The following MCM8 variants were observed in gnomAD, a reference collection of about 807,000 sequenced individuals.
The protein encoded by MCM8 is minichromosome maintenance 8 homologous recombination repair factor, also known as DNA helicase MCM8.
MCM8 carries 85 observed loss-of-function variants against 98.9 expected under a neutral mutation model. That is an observed-to-expected ratio of 0.86 (90% CI 0.72 to 1.03). The LOEUF (loss-of-function observed/expected upper bound fraction) is 1.03, where lower values mean the gene tolerates loss of function less well. Ranked by LOEUF, MCM8 falls within the 50% of genes least tolerant of loss-of-function variation. The pLI is 0.00. For synonymous variants in MCM8, 352 were observed against 338.6 expected (o/e 1.04, Z -0.44); for missense variants, 951 against 997.8 (o/e 0.95, Z 0.63).
At chr20:5,962,015 A>G (rs1352270931) in intron 7 of MCM8, among the ~76,000 whole-genome samples, 1 of 152,202 alleles carries the variant, frequency 6.6e-6, no homozygotes, top group Non-Finnish European at 1.5e-5. Context: ...GAACTACTCA[A>G]CTGGCTAGTT....
chr20:5,961,264 C>A (rs1218775120), intron 7 of MCM8, among the ~76,000 whole-genome samples: 1 of 152,086 alleles, frequency 6.6e-6, no homozygotes, highest in African/African-American at 2.4e-5. Context: ...TTTATCCTGA[C>A]ACCATTTATT....
At position 5,984,895 on chromosome 20, in the gene MCM8, G is replaced by C. The variant is rs1312321886; in HGVS notation, c.1848G>C (p.Lys616Asn). 1 of 1,613,994 alleles carries C rather than the reference G, an allele frequency of 6.2e-7. No individual in the cohort carries two copies. The highest frequency in any genetic ancestry group is 8.5e-7 in the Non-Finnish European group (1 of 1,180,006). ...ATGTGATTGCAATAAGAGCTGGAAA[G>C]CAGAGAACCATTAGCAGTGCCACAG... is the stretch of plus-strand genomic sequence containing the variant. ...SEHVIAIRAG[K>N]QRTISSATVA... The change falls in exon 15 of 19, where the codon AAG (lysine) becomes AAC (asparagine). Residue 616 changes from lysine to asparagine, a missense_variant. Lys to Asn is a moderately conservative substitution (Grantham distance 94, BLOSUM62 0). Transcript: ENST00000610722.
chr20:5,958,564 T>G lies in MCM8; in HGVS notation c.627T>G (p.Asn209Lys), dbSNP rs769426184. 1 of 1,614,154 alleles carries G rather than the reference T, an allele frequency of 6.2e-7. No individual in the cohort carries two copies. The highest frequency in any genetic ancestry group is 1.1e-5 in the South Asian group (1 of 91,082). Reference sequence around the variant, plus strand: ...ATGAGCCTTTGACACAGCTCAAGAATGTCAGAGCAAATTACTATGGAAAAT... The same window carrying G: ...ATGAGCCTTTGACACAGCTCAAGAAGGTCAGAGCAAATTACTATGGAAAAT... ...YNYEPLTQLK[N>K]VRANYYGKYI... The change falls in exon 7 of 19, where the codon AAT (asparagine) becomes AAG (lysine). Residue 209 changes from asparagine (N) to lysine (K), a missense_variant. By Grantham distance (94) the Asn-to-Lys change is moderately conservative. Coordinates refer to ENST00000610722, the MANE Select transcript of MCM8 (RefSeq NM_032485.6).
At chr20:5,953,093 A>T (rs1029949473) in intron 3 of MCM8, among the ~76,000 whole-genome samples, 1 of 152,242 alleles carries the variant, frequency 6.6e-6, no homozygotes, top group African/African-American at 2.4e-5. Flanking sequence ...CACTATCGTT[A>T]TCTTCTGCAG....
intron 11 of MCM8, among the ~76,000 whole-genome samples, chr20:5,972,408 A>G (rs964945719): frequency 3.9e-5 from 6 of 151,906 alleles, no homozygotes; most frequent in Non-Finnish European, 5.9e-5. Context: ...GGGTTTTGCC[A>G]TGTTGCCCAC....
rs1332725980 is a variant in MCM8, at chr20:5,963,355, A to G, written c.871A>G (p.Ile291Val). The G allele has an allele frequency of 3.7e-6, 6 of 1,613,476 alleles. No homozygotes were observed. The highest frequency in any genetic ancestry group is 1.6e-4 in the Middle Eastern group (1 of 6,062). The change falls in exon 8 of 19, where the codon ATC becomes GTC. Residue 291 changes from isoleucine (I) to valine (V), a missense_variant. By Grantham distance (29) the Ile-to-Val change is conservative. Coordinates refer to ENST00000610722, the MANE Select transcript of MCM8 (RefSeq NM_032485.6). ...CACAGTTACGATGGACTGGCAGTCA[A>G]TCAAGTAAGCGATCAGACTGTTACA... ...PLTVTMDWQS[I>V]KIQELMSDDQ...
intron 13 of MCM8, among the ~76,000 whole-genome samples, chr20:5,978,996 C>T (rs1720778968): frequency 6.6e-6 from 1 of 152,190 alleles, no homozygotes; most frequent in Admixed American, 6.5e-5. Flanking sequence ...GCTTTGTCAC[C>T]TAAGTTTCTC....
In MCM8 at chr20:5,994,459, G is replaced by A. The variant is rs567007907; in HGVS notation, c.*68G>A. 44 of 805,184 alleles carry A rather than the reference G, an allele frequency of 5.5e-5. No individual in the cohort carries two copies. Among genetic ancestry groups the A allele is most frequent in the East Asian group, 2.6e-4 (10 of 37,950 alleles). The allele number at this position is 805,184 out of a possible 1,614,324, so 49.9% of individuals were successfully genotyped here. On this transcript the variant is annotated 3_prime_UTR_variant, in exon 19 of 19. Coordinates refer to ENST00000610722, the MANE Select transcript of MCM8 (RefSeq NM_032485.6). ...TAAAGCCATCTCAGTGAAGATATGC[G>A]TGCACGCACAGACAGACAGACACAC...
intron 10 of MCM8, among the ~76,000 whole-genome samples, chr20:5,969,359 AGGCGGGTGG>A (rs1259154113): frequency 1.1e-4 from 17 of 152,196 alleles, no homozygotes; most frequent in African/African-American, 2.9e-4. Flanking sequence ...TGGGAGGCCG[AGGCGGGTGG>A]ATCACCTGAG....
At position 5,986,016 on chromosome 20, in the gene MCM8, C is replaced by T. The variant is rs1200133438; in HGVS notation, c.2048C>T (p.Thr683Ile). ...ARQYVYPRLSTEAARVLQDFY... is the reference protein window; with the variant it reads ...ARQYVYPRLSIEAARVLQDFY... ...CAGTATGTGTACCCAAGGCTATCCACAGAAGCTGCTCGAGTTCTTCAAGAT... is the reference window on the plus strand; with the variant it reads ...CAGTATGTGTACCCAAGGCTATCCATAGAAGCTGCTCGAGTTCTTCAAGAT... The change falls in exon 16 of 19, where the codon ACA becomes ATA. Residue 683 changes from threonine to isoleucine, a missense_variant. Transcript: ENST00000610722. 6.2e-7 allele frequency: 1 copy of T among 1,614,114 alleles called. No homozygotes were observed. The highest frequency in any genetic ancestry group is 1.3e-5 in the African/African-American group (1 of 74,936).
chr20:5,967,983 A>C lies in MCM8; in HGVS notation c.1181A>C (p.Gln394Pro). Residue 394 changes from glutamine (Q) to proline (P), a missense_variant, in exon 10 of 19, where the codon CAA (glutamine) becomes CCA (proline). Physicochemically the swap from Gln to Pro is moderately conservative, Grantham distance 76 (BLOSUM62 -1). Coordinates refer to ENST00000610722, the MANE Select transcript of MCM8 (RefSeq NM_032485.6). Reference protein sequence around the residue: ...EFSLKDLYAIQEIQAEENLFK... With the variant: ...EFSLKDLYAIPEIQAEENLFK... ...TCACTTAAAGACCTTTATGCCATCC[A>C]AGAGATTCAAGCTGAAGAAAACCTG... The C allele has an allele frequency of 6.2e-7, 1 of 1,613,088 alleles. No individual in the cohort carries two copies. Among genetic ancestry groups the C allele is most frequent in the Non-Finnish European group, 8.5e-7 (1 of 1,179,746 alleles).
In MCM8 at chr20:5,967,854, G is replaced by GT; in HGVS notation, c.1053dup (p.Met352TyrfsTer7). On this transcript the variant is annotated frameshift_variant, in exon 10 of 19. Transcript: ENST00000610722. LOFTEE classifies it high-confidence loss of function. ...GGTTCTCGAAATAAGAATGACAAGT[G>GT]TATGTTCCTTTTGTATATTGAAGCA... 1 of 1,611,218 alleles carries GT rather than the reference G, an allele frequency of 6.2e-7. No individual in the cohort carries two copies. Among genetic ancestry groups the GT allele is most frequent in the Non-Finnish European group, 8.5e-7 (1 of 1,178,726 alleles).
intron 17 of MCM8, among the ~76,000 whole-genome samples, chr20:5,989,120 C>CTTT (rs1172678780): frequency 8.3e-6 from 1 of 120,346 alleles, no homozygotes; most frequent in Non-Finnish European, 1.6e-5. Flanking sequence ...TAGCGCAAGT[C>CTTT]TTTTTTTTTT....
At chr20:5,985,834 C>T (rs1391538430) in intron 15 of MCM8, 88 bp from the exon 16 acceptor site, 29 of 1,373,202 alleles carry the variant, frequency 2.1e-5, no homozygotes, top group Non-Finnish European at 2.8e-5. Flanking sequence ...GCGTGAGCCA[C>T]TGCACCTGGC....
chr20:5,952,187 A>G, intron 2 of MCM8, 24 bp downstream of exon 2: 1 of 1,608,466 alleles, frequency 6.2e-7, no homozygotes. Context: ...ATGATTGTTC[A>G]ATTTTTTTCA....
At chr20:5,958,801 G>A in intron 7 of MCM8, 75 bp downstream of exon 7, 1 of 1,349,084 alleles carries the variant, frequency 7.4e-7, no homozygotes, top group Non-Finnish European at 1.0e-6. Flanking sequence ...ACATTTCCCA[G>A]TGTTTCTGAA....
chr20:5,967,954 G>GTT lies in MCM8; in HGVS notation c.1153_1154dup (p.Leu387HisfsTer41), dbSNP rs901493251. Reference sequence around the variant, plus strand: ...GGTGTAAGCATGGAATGTTGATGGAGTTCTCACTTAAAGACCTTTATGCCA... The same window carrying GTT: ...GGTGTAAGCATGGAATGTTGATGGAGTTTTCTCACTTAAAGACCTTTATGCCA... On this transcript the variant is annotated frameshift_variant, in exon 10 of 19. Transcript: ENST00000610722. LOFTEE classifies it high-confidence loss of function. 3.1e-6 allele frequency: 5 copies of GTT among 1,614,010 alleles called. No individual in the cohort carries two copies. The highest frequency in any genetic ancestry group is 1.3e-5 in the African/African-American group (1 of 74,938).
intron 8 of MCM8, among the ~76,000 whole-genome samples, chr20:5,966,644 A>G (rs1004742104): frequency 4.6e-5 from 7 of 152,140 alleles, no homozygotes; most frequent in Non-Finnish European, 8.8e-5. Flanking sequence ...TTCCTTTGCA[A>G]TTTTTTAGGT....
At position 5,998,109 on chromosome 20, in the gene MCM8, A is replaced by G. The variant is rs1357338532; in HGVS notation, c.*3718A>G. 6.6e-6 allele frequency: 1 copy of G among 152,190 alleles called. No individual in the cohort carries two copies. The highest frequency in any genetic ancestry group is 2.4e-5 in the African/African-American group (1 of 41,420). The allele number at this position is 152,190 out of a possible 1,614,324, so 9.4% of individuals were successfully genotyped here. Reference sequence around the variant, plus strand: ...TTGTTATACAGAAGAATATTAAACAATATTCATATATTGTTTATGAATGCA... The same window carrying G: ...TTGTTATACAGAAGAATATTAAACAGTATTCATATATTGTTTATGAATGCA... On this transcript the variant is annotated 3_prime_UTR_variant, in exon 19 of 19. Coordinates refer to ENST00000610722, the MANE Select transcript of MCM8 (RefSeq NM_032485.6).
Sources: allele counts gnomAD v4.1 joint callset (sites outside exome capture counted in the v4.1 genomes callset), GRCh38; gene constraint gnomAD v4.1.1; transcripts MANE v1.5; gene names NCBI Gene and HGNC (gene_info 2026-07-23, HGNC 2026-07-21).